SLC25A48: variants seen among roughly 807,000 people sequenced by gnomAD.
SLC25A48 encodes CTC-321K16.1.
Under a neutral mutation model 32.2 loss-of-function variants are expected in SLC25A48, and 29 were observed. The ratio of observed to expected loss-of-function variants is 0.90; its 90% CI spans 0.67 to 1.23. The LOEUF (loss-of-function observed/expected upper bound fraction) is 1.23. SLC25A48 is among the 50% of genes most tolerant of loss of function. The pLI, the probability that SLC25A48 is intolerant of heterozygous loss-of-function variation, is 0.00. For synonymous variants in SLC25A48, 164 were observed against 172.3 expected (o/e 0.95, Z 0.38); for missense variants, 399 against 422.7 (o/e 0.94, Z 0.49).
chr5:135,620,182 G>A (rs1752291239), intron 1 of SLC25A48, among the ~76,000 whole-genome samples: 1 of 152,196 alleles, frequency 6.6e-6, no homozygotes, highest in Non-Finnish European at 1.5e-5. Flanking sequence ...TGATGCATGT[G>A]GGTGGCTGCC....
chr5:135,675,935 T>G (rs531156707), intron 3 of SLC25A48, among the ~76,000 whole-genome samples: 1 of 152,182 alleles, frequency 6.6e-6, no homozygotes, highest in African/African-American at 2.4e-5. Flanking sequence ...TTAAATTTAT[T>G]CCTAGGCATT....
At chr5:135,612,006 G>A (rs1464502947) in intron 1 of SLC25A48, among the ~76,000 whole-genome samples, 1 of 152,182 alleles carries the variant, frequency 6.6e-6, no homozygotes, top group East Asian at 1.9e-4. Flanking sequence ...AGTTCATTAA[G>A]GTGCCCAGGC....
Position 135,751,791 on chromosome 5 carries a change from C to A in SLC25A48, c.-520-60732C>A, listed in dbSNP as rs138397305. Reference sequence around the variant, plus strand: ...CAATGAGCGATGAGCTATTATCACACTACTGCACTCCAGCATGGGCAGCAT... The same window carrying A: ...CAATGAGCGATGAGCTATTATCACAATACTGCACTCCAGCATGGGCAGCAT... On this transcript the variant is annotated intron_variant, in intron 3 of 10. Coordinates refer to the SLC25A48 transcript ENST00000646290. Among the ~76,000 whole-genome samples, 1,022 of 152,256 alleles carry A rather than the reference C, an allele frequency of 6.7e-3. 14 individuals are homozygous for A. Among genetic ancestry groups the A allele is most frequent in the Non-Finnish European group, 8.7e-3 (590 of 68,026 alleles).
At chr5:135,796,888 A>G (rs1757194985) in intron 3 of SLC25A48, among the ~76,000 whole-genome samples, 1 of 151,698 alleles carries the variant, frequency 6.6e-6, no homozygotes, top group African/African-American at 2.4e-5. Context: ...ATGACTTCCT[A>G]TAGTGCAGTG....
At chr5:135,788,888 G>A (rs1173765325) in intron 3 of SLC25A48, among the ~76,000 whole-genome samples, 1 of 151,710 alleles carries the variant, frequency 6.6e-6, no homozygotes. Context: ...CCATGTGTCG[G>A]GGGGTGTACA....
chr5:135,806,583 A>AT (rs1757468952), intron 3 of SLC25A48, among the ~76,000 whole-genome samples: 2 of 150,594 alleles, frequency 1.3e-5, no homozygotes, highest in Non-Finnish European at 1.5e-5. Flanking sequence ...TATAAATATC[A>AT]TTGATTTTTT....
rs538893211 is a variant in SLC25A48 at position 135,647,892 on chromosome 5, C to A, written c.-521+12936C>A. 1.4e-4 allele frequency among the ~76,000 whole-genome samples: 21 copies of A among 152,148 alleles called. No homozygotes were observed. The South Asian group carries it at 3.9e-3, about 29-fold the overall frequency. On this transcript the variant is annotated intron_variant, in intron 3 of 10. Coordinates refer to the SLC25A48 transcript ENST00000646290. ...GCACTGCTTGGAAATTCCACCACTG[C>A]GCTTTAGAAGGATCTTTGTTTCATT... is the stretch of plus-strand genomic sequence containing the variant.
intron 3 of SLC25A48, among the ~76,000 whole-genome samples, chr5:135,798,535 C>G (rs1043401109): frequency 1.3e-5 from 2 of 151,010 alleles, no homozygotes; most frequent in Non-Finnish European, 3.0e-5. Context: ...CTCTCAATAT[C>G]GTGGAGGTTG....
intron 4 of SLC25A48, among the ~76,000 whole-genome samples, chr5:135,823,621 GTAAC>G (rs1757947063): frequency 6.6e-6 from 1 of 152,180 alleles, no homozygotes. Flanking sequence ...GGTGGAATTT[GTAAC>G]TAACAGGATG....
chr5:135,748,799 A>ACCTCCG (rs1755702223), intron 3 of SLC25A48, among the ~76,000 whole-genome samples: 1 of 149,694 alleles, frequency 6.7e-6, no homozygotes, highest in Non-Finnish European at 1.5e-5. Flanking sequence ...GCTCACTGCA[A>ACCTCCG]CCTCCGCCTC....
intron 1 of SLC25A48, among the ~76,000 whole-genome samples, chr5:135,595,317 T>A (rs1751622922): frequency 6.6e-6 from 1 of 152,226 alleles, no homozygotes; most frequent in Admixed American, 6.5e-5. Flanking sequence ...TCCCTGGAGT[T>A]GTGGGACATG....
intron 4 of SLC25A48, among the ~76,000 whole-genome samples, chr5:135,861,290 G>A (rs541042087): frequency 6.7e-6 from 1 of 150,070 alleles, no homozygotes; most frequent in Non-Finnish European, 1.5e-5. Flanking sequence ...AAATGGATGT[G>A]CACTAGTCCA....
rs184633218 is a variant in SLC25A48, at chr5:135,665,238, G to C, written c.-521+30282G>C. 2.4e-3 allele frequency among the ~76,000 whole-genome samples: 370 copies of C among 152,074 alleles called. 4 individuals carry two copies. Among genetic ancestry groups the C allele is most frequent in the African/African-American group, 8.5e-3 (354 of 41,494 alleles). ...GTATATCCTCTTTTGAGAAATGTCT[G>C]TTCTTGTCATCTGCCCACTTTTTGA... On this transcript the variant is annotated intron_variant, in intron 3 of 10. Coordinates refer to the SLC25A48 transcript ENST00000646290.
chr5:135,603,733 T>C (rs1048726666), intron 1 of SLC25A48, among the ~76,000 whole-genome samples: 1 of 152,232 alleles, frequency 6.6e-6, no homozygotes, highest in African/African-American at 2.4e-5. Context: ...GACTTATTTG[T>C]TGAAAGGAGA....
At chr5:135,871,159 A>G (rs1761614635) in intron 4 of SLC25A48, among the ~76,000 whole-genome samples, 1 of 151,960 alleles carries the variant, frequency 6.6e-6, no homozygotes, top group Admixed American at 6.6e-5. Context: ...GTGGCTTGTC[A>G]TAATTGATTC....
chr5:135,871,943 G>T, intron 5 of SLC25A48: 1 of 1,455,606 alleles, frequency 6.9e-7, no homozygotes, highest in South Asian at 1.7e-5. Context: ...TGACTTTCAG[G>T]CAACAGATAT....
At chr5:135,767,762 C>T (rs1241112532) in intron 3 of SLC25A48, among the ~76,000 whole-genome samples, 4 of 151,094 alleles carry the variant, frequency 2.6e-5, no homozygotes, top group African/African-American at 9.7e-5. Context: ...CTTCTAATAT[C>T]GTAAACACCC....
At chr5:135,787,794 T>G (rs1235385172) in intron 3 of SLC25A48, among the ~76,000 whole-genome samples, 1 of 151,568 alleles carries the variant, frequency 6.6e-6, no homozygotes, top group Admixed American at 6.6e-5. Flanking sequence ...TAGGGGGATA[T>G]TACTCCTAAT....
At chr5:135,759,402 G>C (rs1447958136) in intron 3 of SLC25A48, among the ~76,000 whole-genome samples, 1 of 152,144 alleles carries the variant, frequency 6.6e-6, no homozygotes, top group East Asian at 1.9e-4. Flanking sequence ...CTGAGCATTT[G>C]AGTTGTTCCC....
Sources: gnomAD v4.1 joint callset for allele counts (sites outside exome capture counted in the v4.1 genomes callset) on GRCh38, gnomAD v4.1.1 for gene constraint, MANE v1.5 for transcripts, NCBI Gene and HGNC (gene_info 2026-07-23, HGNC 2026-07-21) for gene names.